ATOSA: variants seen among roughly 807,000 people sequenced by gnomAD.
ATOSA encodes the protein atos homolog A.
the ATOSA span, among the ~76,000 whole-genome samples, chr15:52,679,623 GC>G: frequency 2.0e-5 from 3 of 152,230 alleles, no homozygotes; most frequent in Non-Finnish European, 4.4e-5. Context: ...CACTTCGGTT[GC>G]GCTCCCAGCC....
the ATOSA span, chr15:52,609,214 G>A: frequency 2.5e-6 from 4 of 1,611,604 alleles, no homozygotes; most frequent in African/African-American, 5.3e-5. Flanking sequence ...ATTTTTAAAA[G>A]AAGTAAAACA....
At chr15:52,706,885 T>C in the ATOSA span, among the ~76,000 whole-genome samples, 1 of 152,104 alleles carries the variant, frequency 6.6e-6, no homozygotes, top group African/African-American at 2.4e-5. Flanking sequence ...AGTGTTTCCC[T>C]AGGGCTGGGG....
the ATOSA span, among the ~76,000 whole-genome samples, chr15:52,697,279 T>G: frequency 1.3e-5 from 2 of 152,254 alleles, no homozygotes; most frequent in Non-Finnish European, 2.9e-5. Flanking sequence ...AAGACTTCCC[T>G]TCTTCCAATA....
chr15:52,642,436 A>G, the ATOSA span, among the ~76,000 whole-genome samples: 1 of 152,224 alleles, frequency 6.6e-6, no homozygotes, highest in Non-Finnish European at 1.5e-5. Context: ...GGCCCCTTCC[A>G]ATTCCAATTA....
chr15:52,640,613 A>T, the ATOSA span, among the ~76,000 whole-genome samples: 39 of 126,910 alleles, frequency 3.1e-4, no homozygotes, highest in Middle Eastern at 0.028. Flanking sequence ...GCAATCTTAT[A>T]TCAGAGATTT....
the ATOSA span, among the ~76,000 whole-genome samples, chr15:52,647,585 C>T: frequency 6.6e-6 from 1 of 152,192 alleles, no homozygotes; most frequent in Non-Finnish European, 1.5e-5. Context: ...TCACCTTTAG[C>T]TCAGTTCTAG....
chr15:52,672,443 T>C, the ATOSA span, among the ~76,000 whole-genome samples: 1 of 152,032 alleles, frequency 6.6e-6, no homozygotes, highest in African/African-American at 2.4e-5. Flanking sequence ...AAATTGACTT[T>C]GGTTTACCTA....
the ATOSA span, among the ~76,000 whole-genome samples, chr15:52,638,528 G>A: frequency 6.6e-6 from 1 of 151,728 alleles, no homozygotes; most frequent in African/African-American, 2.4e-5. Context: ...ACCCTGTCTC[G>A]ACTAAAAATA....
chr15:52,587,571 T>C, the ATOSA span: 1 of 159,612 alleles, frequency 6.3e-6, no homozygotes, highest in Non-Finnish European at 1.4e-5. Context: ...AAGAAGCAAG[T>C]AATTTATTGG....
the ATOSA span, among the ~76,000 whole-genome samples, chr15:52,622,960 TATAAATAAATAAATAAATAAATAA>T: frequency 0.07 from 9,570 of 136,154 alleles, 500 homozygotes; most frequent in East Asian, 0.2. Context: ...CTGTCCCTAT[TATAAATAAATAAATAAATAAATAA>T]ATAAATAAAT....
chr15:52,677,970 G>C, the ATOSA span: 1 of 1,613,724 alleles, frequency 6.2e-7, no homozygotes, highest in African/African-American at 1.3e-5. Flanking sequence ...AAAGAAGGGG[G>C]TGGGGGAACA....
chr15:52,610,120 T>C, the ATOSA span: 1 of 1,614,076 alleles, frequency 6.2e-7, no homozygotes, highest in Non-Finnish European at 8.5e-7. Flanking sequence ...ACACAGACGC[T>C]GTGAACTGTT....
the ATOSA span, among the ~76,000 whole-genome samples, chr15:52,620,576 C>G: frequency 2.0e-5 from 3 of 152,194 alleles, no homozygotes; most frequent in Non-Finnish European, 4.4e-5. Context: ...GAGAAGGAGT[C>G]TAGGCCTCTT....
the ATOSA span, among the ~76,000 whole-genome samples, chr15:52,622,764 A>T: frequency 6.6e-6 from 1 of 152,052 alleles, no homozygotes; most frequent in African/African-American, 2.4e-5. Flanking sequence ...CGAATGGGTC[A>T]AATCCCAGGA....
At chr15:52,612,056 C>G in the ATOSA span, among the ~76,000 whole-genome samples, 36 of 152,284 alleles carry the variant, frequency 2.4e-4, 2 homozygotes, top group South Asian at 6.6e-3. Context: ...GCAGTCTCGG[C>G]TCACTGCAAC....
chr15:52,682,836 C>A, the ATOSA span, among the ~76,000 whole-genome samples: 4 of 152,158 alleles, frequency 2.6e-5, no homozygotes, highest in African/African-American at 9.7e-5. Flanking sequence ...TTCTGATTAT[C>A]CACTTAAATT....
the ATOSA span, chr15:52,593,659 A>G: frequency 3.2e-6 from 5 of 1,560,864 alleles, no homozygotes; most frequent in Non-Finnish European, 4.3e-6. Context: ...TGGGGCAGAA[A>G]GCACCACTTG....
chr15:52,609,408 A>G, the ATOSA span: 1 of 1,613,864 alleles, frequency 6.2e-7, no homozygotes, highest in Non-Finnish European at 8.5e-7. Context: ...GCCGGGGGAT[A>G]TGTGATGCTG....
At chr15:52,623,809 A>C in the ATOSA span, among the ~76,000 whole-genome samples, 1 of 152,214 alleles carries the variant, frequency 6.6e-6, no homozygotes, top group African/African-American at 2.4e-5. Flanking sequence ...GCAAAAGTCT[A>C]CTTACTTAGT....
Sources: allele counts gnomAD v4.1 joint callset (sites outside exome capture counted in the v4.1 genomes callset), GRCh38; gene constraint gnomAD v4.1.1; transcripts MANE v1.5; gene names NCBI Gene and HGNC (gene_info 2026-07-23, HGNC 2026-07-21).